SLC7A14: variants seen among roughly 807,000 people sequenced by gnomAD.
SLC7A14 encodes the protein gamma-aminobutyric acid transporter SLC7A14.
SLC7A14 carries 37 observed loss-of-function variants against 60.2 expected under a neutral mutation model. That is an observed-to-expected ratio of 0.61 (90% confidence interval 0.47 to 0.81). SLC7A14 has a LOEUF of 0.81. SLC7A14 is among the 30% of genes least tolerant of loss of function. SLC7A14 has a pLI of 0.00. For synonymous variants in SLC7A14, 399 were observed against 395.8 expected (o/e 1.01, Z -0.10); for missense variants, 886 against 982.7 (o/e 0.90, Z 1.32).
rs377701634 is a variant in SLC7A14 at position 170,472,953 on chromosome 3, G to T, written c.1994-5576C>A. On this transcript the variant is annotated intron_variant, in intron 7 of 7. Coordinates refer to ENST00000231706, the MANE Select transcript of SLC7A14 (RefSeq NM_020949.3). ...TCTTTATGATATTAAATACTTTGTG[G>T]TTGTAATGCACTTTATATATTAAAA... Among the ~76,000 whole-genome samples, 26 of 152,152 alleles carry T rather than the reference G, an allele frequency of 1.7e-4. No homozygotes were observed. In the South Asian group the frequency reaches 3.9e-3, roughly 23 times the overall value.
chr3:170,579,927 G>A (rs1715190634), intron 1 of SLC7A14, among the ~76,000 whole-genome samples: 1 of 152,212 alleles, frequency 6.6e-6, no homozygotes, highest in South Asian at 2.1e-4. Flanking sequence ...TGTTTTCTGG[G>A]TGAAGCAGCA....
rs548120301 is a variant in SLC7A14 at position 170,523,624 on chromosome 3, G to C, written c.304+3009C>G. The stretch of plus-strand genomic sequence containing the variant: ...TTTACTTCATTCTTGCAACTAAGCA[G>C]CAATTATTGCTGGAGATAAATGTGC... On this transcript the variant is annotated intron_variant, in intron 2 of 7. Coordinates refer to ENST00000231706, the MANE Select transcript of SLC7A14 (RefSeq NM_020949.3). 4.6e-5 allele frequency among the ~76,000 whole-genome samples: 7 copies of C among 152,290 alleles called. 2 individuals are homozygous for C. The East Asian group carries it at 1.2e-3, about 25-fold the overall frequency.
At position 170,466,708 on chromosome 3, in the gene SLC7A14, GCCTTCTGCC is replaced by G. The variant is rs1256776868; in HGVS notation, c.*338_*346del. 1 of 192,452 alleles carries G rather than the reference GCCTTCTGCC, an allele frequency of 5.2e-6. No individual in the cohort carries two copies. The highest frequency in any genetic ancestry group is 1.1e-5 in the Non-Finnish European group (1 of 93,394). 11.9% of individuals were successfully genotyped at this position (192,452 alleles called of 1,614,324 possible). A position where few individuals can be genotyped will look rare whatever the true frequency, so the allele number is the denominator to read the frequency against. On this transcript the variant is annotated 3_prime_UTR_variant, in exon 8 of 8. Coordinates refer to ENST00000231706, the MANE Select transcript of SLC7A14 (RefSeq NM_020949.3). ...CCATGTCTCAGGTGACTGAAATTCT[GCCTTCTGCC>G]CAGAGCCCCTGCTTGGGCTTCAACC...
intron 7 of SLC7A14, among the ~76,000 whole-genome samples, chr3:170,479,752 A>G (rs1283477754): frequency 1.3e-5 from 2 of 152,220 alleles, no homozygotes; most frequent in Non-Finnish European, 2.9e-5. Context: ...AGTCAGTATG[A>G]AGTGAGAGAT....
chr3:170,526,751 G>T lies in SLC7A14; in HGVS notation c.186C>A (p.Gly62=). The T allele has an allele frequency of 6.2e-7, 1 of 1,614,236 alleles. No individual in the cohort carries two copies. The highest frequency in any genetic ancestry group is 8.5e-7 in the Non-Finnish European group (1 of 1,180,040). ...VLTTVDLISL[G]VGSCVGTGMY... is the part of the protein sequence containing the mutation. Reference sequence around the variant, plus strand: ...TGCCAGTGCCCACACAGCTGCCAACGCCAAGAGAGATGAGGTCCACTGTGG... The same window carrying T: ...TGCCAGTGCCCACACAGCTGCCAACTCCAAGAGAGATGAGGTCCACTGTGG... Residue 62 remains glycine (G), a synonymous_variant, in exon 2 of 8, where the codon GGC becomes GGA. Coordinates refer to ENST00000231706, the MANE Select transcript of SLC7A14 (RefSeq NM_020949.3).
In SLC7A14 at chr3:170,585,470, G is replaced by C. The variant is rs1345396604; in HGVS notation, c.-153+441C>G. 2.6e-5 allele frequency among the ~76,000 whole-genome samples: 4 copies of C among 152,208 alleles called. No individual in the cohort carries two copies. The highest frequency in any genetic ancestry group is 9.6e-5 in the African/African-American group (4 of 41,464). On this transcript the variant is annotated intron_variant, in intron 1 of 7. Coordinates refer to ENST00000231706, the MANE Select transcript of SLC7A14 (RefSeq NM_020949.3). This position sits in a 1 kb window ranked among gnomAD's most constrained non-coding sequence, Gnocchi z 5.1. ...CCGTTTCATGGTCTCGGTCCGAGGC[G>C]GAGAACGGAGCTGCCCGTGCGGGGT...
intron 1 of SLC7A14, among the ~76,000 whole-genome samples, chr3:170,529,916 G>C (rs1326195435): frequency 1.3e-5 from 2 of 152,144 alleles, no homozygotes; most frequent in Non-Finnish European, 2.9e-5. Context: ...AACACCAGAA[G>C]CTAGAAAAGA....
At chr3:170,472,855 G>A (rs1045911760) in intron 7 of SLC7A14, among the ~76,000 whole-genome samples, 2 of 152,140 alleles carry the variant, frequency 1.3e-5, no homozygotes, top group African/African-American at 4.8e-5. Flanking sequence ...AAGTTCCCCA[G>A]TGGAAAATGT....
intron 2 of SLC7A14, among the ~76,000 whole-genome samples, chr3:170,511,476 G>C (rs1350627315): frequency 6.6e-6 from 1 of 152,144 alleles, no homozygotes; most frequent in Non-Finnish European, 1.5e-5. Context: ...CATTGACCCT[G>C]TTTCCCTACC....
intron 1 of SLC7A14, among the ~76,000 whole-genome samples, chr3:170,574,089 T>C (rs111470028): frequency 0.011 from 1,704 of 152,320 alleles, 40 homozygotes; most frequent in African/African-American, 0.039. Flanking sequence ...TGTGAGACAA[T>C]TGTGACCCTA....
At chr3:170,501,511 C>A (rs181882609) in intron 2 of SLC7A14, among the ~76,000 whole-genome samples, 166 bp from the exon 3 acceptor site, 8 of 152,312 alleles carry the variant, frequency 5.3e-5, no homozygotes, top group Admixed American at 2.0e-4. Flanking sequence ...CCTCTTCCAA[C>A]CTCACTTCTG....
At chr3:170,582,263 C>T (rs911491626) in intron 1 of SLC7A14, among the ~76,000 whole-genome samples, 1 of 152,012 alleles carries the variant, frequency 6.6e-6, no homozygotes, top group Non-Finnish European at 1.5e-5. Context: ...TTCTTGGTTG[C>T]TGTGAGGGTG....
chr3:170,493,272 AC>A lies in SLC7A14; in HGVS notation c.759+5394del, dbSNP rs1214172026. ...CTCTTCAAGACCACAGAAGCATTTG[AC>A]CCAGAACCTGTAAGTGAGTAAACCA... On this transcript the variant is annotated intron_variant, in intron 4 of 7. Coordinates refer to ENST00000231706, the MANE Select transcript of SLC7A14 (RefSeq NM_020949.3). Among the ~76,000 whole-genome samples, 11 of 152,332 alleles carry A rather than the reference AC, an allele frequency of 7.2e-5. No homozygotes were observed. The East Asian group carries it at 2.1e-3, about 29-fold the overall frequency.
intron 1 of SLC7A14, among the ~76,000 whole-genome samples, chr3:170,567,835 T>C (rs1478748861): frequency 5.3e-5 from 8 of 151,970 alleles, no homozygotes; most frequent in Admixed American, 4.6e-4. Flanking sequence ...TCATGTCCTT[T>C]GCCCACTTTT....
intron 2 of SLC7A14, among the ~76,000 whole-genome samples, chr3:170,520,528 G>A (rs1008504922): frequency 6.6e-6 from 1 of 152,166 alleles, no homozygotes; most frequent in Non-Finnish European, 1.5e-5. Context: ...TACATGGTAG[G>A]AGCCCAATAC....
chr3:170,581,768 T>TTG (rs1715243029), intron 1 of SLC7A14, among the ~76,000 whole-genome samples: 1 of 152,148 alleles, frequency 6.6e-6, no homozygotes, highest in African/African-American at 2.4e-5. Flanking sequence ...CAATAGTCCT[T>TTG]TGAGATAGTT....
At position 170,546,102 on chromosome 3, in the gene SLC7A14, A is replaced by G. The variant is rs1714172744; in HGVS notation, c.-152-19014T>C. ...CCTTTTTGGCATTAGAAGAGAAGAA[A>G]TTCTGTTACTTTGTCAGCTAGCAGG... On this transcript the variant is annotated intron_variant, in intron 1 of 7. Coordinates refer to ENST00000231706, the MANE Select transcript of SLC7A14 (RefSeq NM_020949.3). Among the ~76,000 whole-genome samples the G allele has an allele frequency of 2.6e-5, 4 of 152,238 alleles. 1 individual carries two copies. Among genetic ancestry groups the G allele is most frequent in the Admixed American group, 2.6e-4 (4 of 15,282 alleles).
rs559042730 is a variant in SLC7A14 at position 170,557,809 on chromosome 3, T to C, written c.-153+28102A>G. On this transcript the variant is annotated intron_variant, in intron 1 of 7. Transcript: ENST00000231706. The stretch of plus-strand genomic sequence containing the variant: ...ATGCAGGGTATATAGTAAGCATTAG[T>C]AAATAGTGTTTATTATTATTGAGAG... Among the ~76,000 whole-genome samples, 4 of 152,366 alleles carry C rather than the reference T, an allele frequency of 2.6e-5. No individual in the cohort carries two copies. In the South Asian group the frequency reaches 8.3e-4, roughly 32 times the overall value.
intron 2 of SLC7A14, among the ~76,000 whole-genome samples, chr3:170,525,398 G>A (rs1221458538): frequency 6.6e-6 from 1 of 152,178 alleles, no homozygotes; most frequent in Non-Finnish European, 1.5e-5. Context: ...TTTCTCAAGG[G>A]GAGACAAGGA....
Sources: allele counts gnomAD v4.1 joint callset (sites outside exome capture counted in the v4.1 genomes callset), GRCh38; gene constraint gnomAD v4.1.1; non-coding constraint Gnocchi (gnomAD v3.1); transcripts MANE v1.5; gene names NCBI Gene and HGNC (gene_info 2026-07-23, HGNC 2026-07-21).